The following PRKCB variants were observed in gnomAD, a reference collection of about 807,000 sequenced individuals.
PRKCB encodes protein kinase C beta type.
A neutral mutation model predicts 81.5 loss-of-function variants in PRKCB; 13 were observed. The observed-to-expected ratio is 0.16, with a 90% confidence interval of 0.10 to 0.25. The LOEUF (loss-of-function observed/expected upper bound fraction) is 0.25. Ranked by LOEUF, PRKCB falls within the 10% of genes least tolerant of loss-of-function variation. The pLI is 1.00. For synonymous variants in PRKCB, 335 were observed against 321.4 expected, an observed-to-expected ratio of 1.04 and a Z score of -0.45; for missense variants, 509 against 875.7, an observed-to-expected ratio of 0.58 and a Z score of 5.29.
intron 3 of PRKCB, among the ~76,000 whole-genome samples, chr16:24,017,531 C>T (rs907168594): frequency 3.3e-5 from 5 of 151,776 alleles, no homozygotes; most frequent in Admixed American, 3.3e-4. Context: ...CACGCACATG[C>T]GTTATACGTT....
chr16:24,065,252 G>A (rs940972231), intron 5 of PRKCB, among the ~76,000 whole-genome samples: 8 of 151,148 alleles, frequency 5.3e-5, no homozygotes, highest in East Asian at 1.9e-4. Flanking sequence ...ATGATTTTTC[G>A]TTTGTCCCAT....
At chr16:24,124,740 A>G (rs1966839651) in intron 9 of PRKCB, among the ~76,000 whole-genome samples, 1 of 152,188 alleles carries the variant, frequency 6.6e-6, no homozygotes, top group African/African-American at 2.4e-5. Flanking sequence ...TAAATCTCAT[A>G]CCATGAACTC....
At chr16:24,208,782 C>A (rs1968086951) in intron 16 of PRKCB, among the ~76,000 whole-genome samples, 1 of 152,194 alleles carries the variant, frequency 6.6e-6, no homozygotes, top group African/African-American at 2.4e-5. Context: ...GGGCTGACGT[C>A]TCCATTTAGG....
At chr16:23,948,369 C>T (rs759701484) in intron 2 of PRKCB, among the ~76,000 whole-genome samples, 2 of 152,118 alleles carry the variant, frequency 1.3e-5, no homozygotes, top group Admixed American at 6.6e-5. Flanking sequence ...AGAATCTTGA[C>T]TGCTTACAAC....
At chr16:23,887,108 C>G (rs1382733102) in intron 2 of PRKCB, among the ~76,000 whole-genome samples, 1 of 151,728 alleles carries the variant, frequency 6.6e-6, no homozygotes, top group Non-Finnish European at 1.5e-5. Context: ...TTCTTGCTTT[C>G]TTTCTTGCTT....
chr16:23,902,443 A>T (rs1213679545), intron 2 of PRKCB, among the ~76,000 whole-genome samples: 1 of 152,088 alleles, frequency 6.6e-6, no homozygotes, highest in Non-Finnish European at 1.5e-5. Context: ...TTAAGTTAGT[A>T]TAATACTTAT....
Position 23,898,749 on chromosome 16 carries a change from A to T in PRKCB, c.205+61343A>T, listed in dbSNP as rs1963420282. Among the ~76,000 whole-genome samples the T allele has an allele frequency of 1.3e-5, 2 of 152,170 alleles. 1 individual carries two copies. The highest frequency in any genetic ancestry group is 4.2e-4 in the South Asian group (2 of 4,818). Reference sequence around the variant, plus strand: ...ATCAAGGGAGGTAAAAATACATAACAAAATAATAATATGAGTAACAATGGC... The same window carrying T: ...ATCAAGGGAGGTAAAAATACATAACTAAATAATAATATGAGTAACAATGGC... On this transcript the variant is annotated intron_variant, in intron 2 of 16. Transcript: ENST00000643927.
intron 5 of PRKCB, among the ~76,000 whole-genome samples, chr16:24,081,730 C>T (rs536613882): frequency 7.9e-5 from 12 of 151,968 alleles, no homozygotes; most frequent in African/African-American, 2.9e-4. Context: ...AAAAATTAGT[C>T]GGGCGTGGTG....
intron 16 of PRKCB, among the ~76,000 whole-genome samples, chr16:24,191,758 G>A (rs1967797266): frequency 6.6e-6 from 1 of 152,224 alleles, no homozygotes; most frequent in African/African-American, 2.4e-5. Context: ...AGCAGAGACT[G>A]AAGTCCTCTT....
intron 2 of PRKCB, among the ~76,000 whole-genome samples, chr16:23,978,689 C>A (rs948150217): frequency 6.6e-6 from 1 of 152,134 alleles, no homozygotes; most frequent in Non-Finnish European, 1.5e-5. Context: ...GTGGGGTATA[C>A]TGTGGGTAGA....
chr16:24,076,748 G>C (rs9938175), intron 5 of PRKCB, among the ~76,000 whole-genome samples: 7,247 of 152,246 alleles, frequency 0.048, 511 homozygotes, highest in African/African-American at 0.15. Context: ...TCAGGGAGCC[G>C]GAGTATAGCA....
Position 23,960,121 on chromosome 16 carries a change from C to T in PRKCB, c.206-28387C>T, listed in dbSNP as rs562139265. 3.9e-5 allele frequency among the ~76,000 whole-genome samples: 6 copies of T among 152,236 alleles called. No individual in the cohort carries two copies. The East Asian group carries it at 1.2e-3, about 29-fold the overall frequency. The stretch of plus-strand genomic sequence containing the variant: ...AGAGAGGAGAGGATGATTAATGTCC[C>T]CCAGGGCCCATCCTCAACCAATGAC... On this transcript the variant is annotated intron_variant, in intron 2 of 16. Transcript: ENST00000643927.
intron 9 of PRKCB, among the ~76,000 whole-genome samples, chr16:24,142,957 G>A (rs184464714): frequency 1.6e-4 from 24 of 152,162 alleles, no homozygotes; most frequent in Non-Finnish European, 2.6e-4. Context: ...GCTAGGGGTC[G>A]TGTGGTCCCC....
intron 5 of PRKCB, among the ~76,000 whole-genome samples, chr16:24,082,679 T>C (rs1305074504): frequency 6.6e-6 from 1 of 152,150 alleles, no homozygotes; most frequent in East Asian, 1.9e-4. Context: ...AACCTTGACC[T>C]CCATCTCACA....
At chr16:23,867,551 A>G (rs892085509) in intron 2 of PRKCB, among the ~76,000 whole-genome samples, 8 of 152,156 alleles carry the variant, frequency 5.3e-5, no homozygotes, top group African/African-American at 1.4e-4. Flanking sequence ...TTTTATTTCA[A>G]TCTACTAGAC....
chr16:24,035,005 C>T (rs979018968), intron 4 of PRKCB, among the ~76,000 whole-genome samples: 7 of 152,166 alleles, frequency 4.6e-5, no homozygotes, highest in Admixed American at 2.0e-4. Context: ...TTCCTGCATA[C>T]GTTGAGAAAT....
At chr16:24,202,883 T>C (rs915093946) in intron 16 of PRKCB, among the ~76,000 whole-genome samples, 4 of 150,794 alleles carry the variant, frequency 2.7e-5, no homozygotes, top group African/African-American at 5.0e-5. Context: ...TTTATGACAT[T>C]GTGTGTCTGT....
chr16:24,112,241 G>A (rs1277614660), intron 7 of PRKCB, among the ~76,000 whole-genome samples: 1 of 152,230 alleles, frequency 6.6e-6, no homozygotes, highest in African/African-American at 2.4e-5. Flanking sequence ...TGCTGGAAGA[G>A]CATGACAAGA....
In PRKCB at chr16:24,113,103, T is replaced by C. The variant is rs1007064563; in HGVS notation, c.918+34T>C. ...TCTTTTCTTTTTCTCTTCTTTCTTTTTTCTCTTTCTTTTTTCCTTCTTTCC... is the reference window on the plus strand; with the variant it reads ...TCTTTTCTTTTTCTCTTCTTTCTTTCTTCTCTTTCTTTTTTCCTTCTTTCC... On this transcript the variant is annotated intron_variant, in intron 8 of 16. Transcript: ENST00000643927. The C allele has an allele frequency of 5.9e-6, 9 of 1,537,496 alleles. No individual in the cohort carries two copies. The African/African-American group carries it at 9.7e-5, about 17-fold the overall frequency.
Sources: allele counts gnomAD v4.1 joint callset (sites outside exome capture counted in the v4.1 genomes callset), GRCh38; gene constraint gnomAD v4.1.1; transcripts MANE v1.5; gene names NCBI Gene and HGNC (gene_info 2026-07-23, HGNC 2026-07-21).